Variants in EVA1A observed in about 807,000 individuals in gnomAD.
The protein encoded by EVA1A is eva-1 homolog A, regulator of programmed cell death, also known as protein eva-1 homolog A.
Under a neutral mutation model 9.8 loss-of-function variants are expected in EVA1A, and 7 were observed. The observed-to-expected ratio is 0.71, with a 90% CI of 0.41 to 1.34. The LOEUF (loss-of-function observed/expected upper bound fraction) is 1.34, where lower values mean the gene tolerates loss of function less well. EVA1A is among the 40% of genes most tolerant of loss of function. The probability of loss-of-function intolerance (pLI) is 0.01; values close to 1 mark genes in which losing one functional copy is unlikely to be tolerated. For missense variants in EVA1A, 206 were observed against 205.9 expected, an observed-to-expected ratio of 1.00 and a Z score of 0.00; for synonymous variants, 90 against 85.6, an observed-to-expected ratio of 1.05 and a Z score of -0.28.
At chr2:75,545,027 CT>C (rs1676278398) in intron 1 of EVA1A, among the ~76,000 whole-genome samples, 2 of 152,182 alleles carry the variant, frequency 1.3e-5, no homozygotes, top group Admixed American at 6.5e-5. Flanking sequence ...TTTTCATTAA[CT>C]GTATGTTAAA....
At chr2:75,500,626 T>A (rs1674380504) in intron 3 of EVA1A, among the ~76,000 whole-genome samples, 1 of 152,162 alleles carries the variant, frequency 6.6e-6, no homozygotes, top group Non-Finnish European at 1.5e-5. Context: ...ACCTTCCAAC[T>A]TCATACAGAA....
intron 3 of EVA1A, among the ~76,000 whole-genome samples, chr2:75,500,712 C>G (rs1467536423): frequency 6.6e-6 from 1 of 151,948 alleles, no homozygotes; most frequent in Admixed American, 6.6e-5. Flanking sequence ...CTATCCCTTT[C>G]TTTCCCTCTC....
chr2:75,526,786 C>T (rs55844841), intron 1 of EVA1A, among the ~76,000 whole-genome samples: 31,356 of 152,114 alleles, frequency 0.21, 3,396 homozygotes, highest in East Asian at 0.28. Flanking sequence ...TCTGCAGTGC[C>T]TTACAGAGGT....
At chr2:75,522,841 T>G (rs1675281280) in intron 1 of EVA1A, among the ~76,000 whole-genome samples, 1 of 152,338 alleles carries the variant, frequency 6.6e-6, no homozygotes, top group East Asian at 1.9e-4. Flanking sequence ...CAGGCCAGCC[T>G]CTCTGGAACA....
rs138453279 is a variant in EVA1A at position 75,537,837 on chromosome 2, G to A, written c.-191-15350C>T. Among the ~76,000 whole-genome samples, 524 of 152,218 alleles carry A rather than the reference G, an allele frequency of 3.4e-3. 3 individuals carry two copies. Among genetic ancestry groups the A allele is most frequent in the Non-Finnish European group, 4.1e-3 (276 of 68,004 alleles). ...CATGCCTGCTGTCCCTTAGTCTTCC[G>A]CTATGAGTAAAAGCTTCCTGAGGCC... On this transcript the variant is annotated intron_variant, in intron 1 of 3. Transcript: ENST00000393913.
intron 3 of EVA1A, among the ~76,000 whole-genome samples, chr2:75,493,902 A>G (rs1179821820): frequency 6.6e-6 from 1 of 152,258 alleles, no homozygotes; most frequent in Non-Finnish European, 1.5e-5. Context: ...CACCTACTGT[A>G]CGCAAGCAGC....
chr2:75,502,759 C>T (rs1004967198), intron 3 of EVA1A, among the ~76,000 whole-genome samples: 8 of 152,278 alleles, frequency 5.3e-5, no homozygotes, highest in South Asian at 2.1e-4. Flanking sequence ...TCTGTAATAC[C>T]GTCAGCCATT....
intron 1 of EVA1A, among the ~76,000 whole-genome samples, chr2:75,522,869 G>C (rs6738123): frequency 0.02 from 3,032 of 152,316 alleles, 85 homozygotes; most frequent in African/African-American, 0.062. Flanking sequence ...AGGGAATTCT[G>C]TTTCCTTCTA....
At chr2:75,533,451 G>T (rs1262915684) in intron 1 of EVA1A, among the ~76,000 whole-genome samples, 1 of 152,108 alleles carries the variant, frequency 6.6e-6, no homozygotes, top group African/African-American at 2.4e-5. Flanking sequence ...ATTGTCACCA[G>T]CAGACCTACC....
chr2:75,548,326 G>T (rs958248969), intron 1 of EVA1A, among the ~76,000 whole-genome samples: 1 of 152,098 alleles, frequency 6.6e-6, no homozygotes, highest in Non-Finnish European at 1.5e-5. Context: ...GTAGAGATGA[G>T]GTTTTGCCAT....
Position 75,538,183 on chromosome 2 carries a change from G to A in EVA1A, c.-191-15696C>T, listed in dbSNP as rs577167985. ...CATGTGCCTGTAGTCCCAGTTTCTC[G>A]GGAGGCTGAGACAGGAGAATTGCTT... On this transcript the variant is annotated intron_variant, in intron 1 of 3. Coordinates refer to ENST00000393913, the MANE Select transcript of EVA1A (RefSeq NM_001135032.2). Among the ~76,000 whole-genome samples, 13 of 152,232 alleles carry A rather than the reference G, an allele frequency of 8.5e-5. No individual in the cohort carries two copies. In the South Asian group the frequency reaches 1.7e-3, roughly 19 times the overall value.
chr2:75,493,203 G>A lies in EVA1A; in HGVS notation c.*33C>T, dbSNP rs1674088103. The stretch of plus-strand genomic sequence containing the variant: ...CCTGCAGACGCTCTCCTTTCCAGGC[G>A]GCCTCCAGTGGTTTCCGGGGTCCTG... On this transcript the variant is annotated 3_prime_UTR_variant, in exon 4 of 4. Transcript: ENST00000393913. 1.3e-6 allele frequency: 2 copies of A among 1,574,466 alleles called. No individual in the cohort carries two copies. The highest frequency in any genetic ancestry group is 1.7e-6 in the Non-Finnish European group (2 of 1,159,856).
rs76622771 is a variant in EVA1A at position 75,527,625 on chromosome 2, T to C, written c.-191-5138A>G. Among the ~76,000 whole-genome samples, 683 of 152,158 alleles carry C rather than the reference T, an allele frequency of 4.5e-3. 7 individuals are homozygous for C. Among genetic ancestry groups the C allele is most frequent in the African/African-American group, 0.015 (641 of 41,492 alleles). ...ATCTGGCAAAGATTTTTAAACACCA[T>C]GATTTTAAAAATACTTCAACAAGCA... On this transcript the variant is annotated intron_variant, in intron 1 of 3. Transcript: ENST00000393913.
chr2:75,533,642 T>C (rs978898367), intron 1 of EVA1A, among the ~76,000 whole-genome samples: 1 of 151,986 alleles, frequency 6.6e-6, no homozygotes, highest in South Asian at 2.1e-4. Flanking sequence ...TGGTTCTGAA[T>C]GTATATAAAG....
chr2:75,525,693 T>C (rs1258006656), intron 1 of EVA1A, among the ~76,000 whole-genome samples: 1 of 152,218 alleles, frequency 6.6e-6, no homozygotes, highest in Non-Finnish European at 1.5e-5. Context: ...GAATGAACAA[T>C]GTCCTCAATG....
At chr2:75,520,775 C>T (rs914278905) in intron 2 of EVA1A, among the ~76,000 whole-genome samples, 1 of 151,824 alleles carries the variant, frequency 6.6e-6, no homozygotes. Flanking sequence ...AGATTCATGA[C>T]ATTGGATTTG....
intron 1 of EVA1A, among the ~76,000 whole-genome samples, chr2:75,538,236 T>C (rs1331191618): frequency 1.3e-5 from 2 of 152,162 alleles, no homozygotes; most frequent in Non-Finnish European, 2.9e-5. Flanking sequence ...GTTGCACCAC[T>C]GGGAGCTGAG....
At position 75,521,681 on chromosome 2, in the gene EVA1A, T is replaced by C. The variant is rs116950638; in HGVS notation, c.-69+684A>G. Among the ~76,000 whole-genome samples the C allele has an allele frequency of 2.8e-3, 425 of 152,294 alleles. 13 individuals carry two copies. In the East Asian group the frequency reaches 0.078, roughly 28 times the overall value. On this transcript the variant is annotated intron_variant, in intron 2 of 3. Transcript: ENST00000393913. ...AACAGGAGCAGGGAAAAGATAATTA[T>C]TGAACAGGGTACAGGGTACAAAGTT...
intron 1 of EVA1A, chr2:75,558,601 A>T (rs1299656296): frequency 6.6e-6 from 1 of 152,294 alleles, no homozygotes; most frequent in Non-Finnish European, 1.5e-5. Context: ...GTCTGTAGGA[A>T]CTGAAGAATG....
Sources: allele counts gnomAD v4.1 joint callset (sites outside exome capture counted in the v4.1 genomes callset), GRCh38; gene constraint gnomAD v4.1.1; transcripts MANE v1.5; gene names NCBI Gene and HGNC (gene_info 2026-07-23, HGNC 2026-07-21).